The following RPA1 variants were observed in gnomAD, a reference collection of about 807,000 sequenced individuals.
RPA1 encodes the protein replication protein A1.
RPA1 carries 49 observed loss-of-function variants against 83.0 expected under a neutral mutation model. The observed-to-expected ratio is 0.59, with a 90% confidence interval of 0.47 to 0.75. The LOEUF (loss-of-function observed/expected upper bound fraction) is 0.75. Among genes scored for constraint, RPA1 ranks in the 30% least tolerant of loss-of-function variants. RPA1 has a pLI of 0.00. For synonymous variants in RPA1, 279 were observed against 281.8 expected (o/e 0.99, Z 0.10); for missense variants, 693 against 776.1 (o/e 0.89, Z 1.27).
At chr17:1,834,967 T>G (rs1468501227) in intron 1 of RPA1, among the ~76,000 whole-genome samples, 1 of 152,130 alleles carries the variant, frequency 6.6e-6, no homozygotes, top group Non-Finnish European at 1.5e-5. Flanking sequence ...GTTCAAGTGA[T>G]TCTTTTGCCT....
At chr17:1,852,318 A>C (rs1262474826) in intron 4 of RPA1, among the ~76,000 whole-genome samples, 2 of 152,234 alleles carry the variant, frequency 1.3e-5, no homozygotes, top group African/African-American at 4.8e-5. Flanking sequence ...AAAGAAATCA[A>C]GGCTGTAGGA....
At chr17:1,863,805 C>T (rs938431789) in intron 5 of RPA1, among the ~76,000 whole-genome samples, 3 of 152,108 alleles carry the variant, frequency 2.0e-5, no homozygotes, top group Non-Finnish European at 4.4e-5. Flanking sequence ...ATCAGAACAA[C>T]ATAATTTTAT....
intron 1 of RPA1, among the ~76,000 whole-genome samples, chr17:1,832,527 C>T (rs1470384486): frequency 2.6e-5 from 4 of 151,984 alleles, no homozygotes; most frequent in East Asian, 1.9e-4. Flanking sequence ...GCTGAGAATA[C>T]AGGAGACTGC....
At chr17:1,869,798 A>ACTG (rs1913312548) in intron 5 of RPA1, among the ~76,000 whole-genome samples, 1 of 152,156 alleles carries the variant, frequency 6.6e-6, no homozygotes, top group Non-Finnish European at 1.5e-5. Context: ...GCCATTCACA[A>ACTG]CATGCACTGC....
intron 1 of RPA1, among the ~76,000 whole-genome samples, chr17:1,836,933 G>A (rs1427282100): frequency 6.6e-6 from 1 of 151,696 alleles, no homozygotes; most frequent in Non-Finnish European, 1.5e-5. Flanking sequence ...TGCCTCCTGG[G>A]TTGAAGCGAT....
intron 15 of RPA1, among the ~76,000 whole-genome samples, chr17:1,894,391 T>G (rs936442372): frequency 6.6e-6 from 1 of 152,142 alleles, no homozygotes; most frequent in Non-Finnish European, 1.5e-5. Context: ...GGTCTTGAAC[T>G]CCCAACCTCA....
At position 1,871,032 on chromosome 17, in the gene RPA1, A is replaced by G. The variant is rs146028979; in HGVS notation, c.362-1402A>G. On this transcript the variant is annotated intron_variant, in intron 5 of 16. Transcript: ENST00000254719. ...TTTCCTGAGCAACTCATCTTTTTCT[A>G]TTGATTTTAAAAAAGGTCCACTGCA... Among the ~76,000 whole-genome samples, 14 of 152,172 alleles carry G rather than the reference A, an allele frequency of 9.2e-5. No individual in the cohort carries two copies. In the East Asian group the frequency reaches 2.5e-3, roughly 27 times the overall value.
At chr17:1,864,742 TA>T (rs1014786628) in intron 5 of RPA1, among the ~76,000 whole-genome samples, 1 of 149,312 alleles carries the variant, frequency 6.7e-6, no homozygotes, top group Non-Finnish European at 1.5e-5. Context: ...CTACTAAAAA[TA>T]AAAAAAATTA....
chr17:1,880,748 G>A (rs1913761942), intron 12 of RPA1, 57 bp downstream of exon 12: 1 of 1,599,304 alleles, frequency 6.3e-7, no homozygotes, highest in Non-Finnish European at 8.5e-7. Context: ...GAGAAAAGCT[G>A]GTTACAATCA....
At chr17:1,833,438 G>A (rs763721943) in intron 1 of RPA1, among the ~76,000 whole-genome samples, 9 of 152,226 alleles carry the variant, frequency 5.9e-5, no homozygotes, top group Non-Finnish European at 1.0e-4. Flanking sequence ...AAGAACTATT[G>A]TTGGACTCAA....
intron 6 of RPA1, among the ~76,000 whole-genome samples, chr17:1,873,727 G>A (rs570027460): frequency 3.3e-5 from 5 of 151,812 alleles, no homozygotes; most frequent in South Asian, 2.1e-4. Flanking sequence ...GGTGGCTCAC[G>A]CTTATAATCC....
In RPA1 at chr17:1,889,859, G is replaced by T. The variant is rs1482310419; in HGVS notation, c.1551+1008G>T. The stretch of plus-strand genomic sequence containing the variant: ...TACTAAAAATACAAAAATTAGCCGG[G>T]CGTGGTGGCGGGTGCCTGTAGTCCC... On this transcript the variant is annotated intron_variant, in intron 14 of 16. Coordinates refer to ENST00000254719, the MANE Select transcript of RPA1 (RefSeq NM_002945.5). Among the ~76,000 whole-genome samples, 12 of 151,972 alleles carry T rather than the reference G, an allele frequency of 7.9e-5. No homozygotes were observed. In the East Asian group the frequency reaches 2.3e-3, roughly 30 times the overall value.
chr17:1,863,755 A>C (rs1312108117), intron 5 of RPA1, among the ~76,000 whole-genome samples: 2 of 152,222 alleles, frequency 1.3e-5, no homozygotes, highest in East Asian at 3.8e-4. Flanking sequence ...TGTAGAAGGC[A>C]ATTTTCAAAT....
intron 7 of RPA1, 94 bp downstream of exon 7, chr17:1,875,887 C>A: frequency 1.4e-5 from 17 of 1,192,076 alleles, no homozygotes; most frequent in South Asian, 3.9e-5. Flanking sequence ...ACTTCAGGGT[C>A]ACCACCAAAT....
At chr17:1,895,353 TA>T (rs199656821) in intron 16 of RPA1, among the ~76,000 whole-genome samples, 7 of 151,654 alleles carry the variant, frequency 4.6e-5, no homozygotes, top group African/African-American at 1.2e-4. Flanking sequence ...TTTTTATTTT[TA>T]TTTTTTTTCA....
At chr17:1,890,731 C>T (rs989338923) in intron 14 of RPA1, among the ~76,000 whole-genome samples, 2 of 152,284 alleles carry the variant, frequency 1.3e-5, no homozygotes, top group African/African-American at 2.4e-5. Flanking sequence ...GACAGTTCTA[C>T]GTTTAGGCTC....
chr17:1,872,316 T>C (rs1450394749), intron 5 of RPA1, 118 bp from the exon 6 acceptor site: 4 of 1,440,768 alleles, frequency 2.8e-6, no homozygotes, highest in Non-Finnish European at 3.8e-6. Context: ...TTCTAATCCA[T>C]GGGAGTCTTT....
At chr17:1,894,060 G>A (rs539538438) in intron 15 of RPA1, among the ~76,000 whole-genome samples, 1 of 148,196 alleles carries the variant, frequency 6.7e-6, no homozygotes, top group South Asian at 2.1e-4. Flanking sequence ...GTAGAGATGG[G>A]GTTTTGCTAT....
Position 1,847,676 on chromosome 17 carries a change from T to C in RPA1, c.272+2990T>C, listed in dbSNP as rs1204536848. ...GATCATTAGAATTTGTATTGTGGGG[T>C]CAACGGACATCTGTGGAAAGTATAC... On this transcript the variant is annotated intron_variant, in intron 4 of 16. Coordinates refer to ENST00000254719, the MANE Select transcript of RPA1 (RefSeq NM_002945.5). 7.9e-5 allele frequency among the ~76,000 whole-genome samples: 12 copies of C among 152,222 alleles called. No individual in the cohort carries two copies. The East Asian group carries it at 2.1e-3, about 27-fold the overall frequency.
Sources: gnomAD v4.1 joint callset for allele counts (sites outside exome capture counted in the v4.1 genomes callset) on GRCh38, gnomAD v4.1.1 for gene constraint, MANE v1.5 for transcripts, NCBI Gene and HGNC (gene_info 2026-07-23, HGNC 2026-07-21) for gene names.